Variants in LRMDA observed in about 807,000 individuals in gnomAD.
LRMDA encodes leucine rich melanocyte differentiation associated, also known as leucine-rich melanocyte differentiation-associated protein.
In LRMDA, 18 loss-of-function variants were observed where a neutral mutation model predicts 29.8. The ratio of observed to expected loss-of-function variants is 0.60; its 90% CI spans 0.42 to 0.90. LRMDA has a LOEUF of 0.90. LRMDA is among the 40% of genes least tolerant of loss of function. LRMDA has a pLI of 0.00. For missense variants in LRMDA, 273 were observed against 273.9 expected (o/e 1.00, Z 0.02); for synonymous variants, 125 against 109.4 (o/e 1.14, Z -0.89).
chr10:76,063,770 C>T (rs990946864), intron 5 of LRMDA, among the ~76,000 whole-genome samples: 6 of 152,188 alleles, frequency 3.9e-5, no homozygotes, highest in Non-Finnish European at 7.3e-5. Context: ...CTGCCATTGA[C>T]TCTTGGAGTT....
At chr10:76,350,048 T>C (rs528049151) in intron 6 of LRMDA, among the ~76,000 whole-genome samples, 131 of 152,084 alleles carry the variant, frequency 8.6e-4, no homozygotes, top group South Asian at 7.1e-3. Flanking sequence ...ATATCCTTTA[T>C]ATAAAGCTTG....
intron 5 of LRMDA, among the ~76,000 whole-genome samples, chr10:76,315,599 T>C (rs11814807): frequency 0.053 from 5,463 of 102,910 alleles, 275 homozygotes; most frequent in African/African-American, 0.12. Context: ...TGGGCGTCAG[T>C]GAGCGCAGGA....
intron 2 of LRMDA, among the ~76,000 whole-genome samples, chr10:75,449,574 C>T (rs1844436280): frequency 6.6e-6 from 1 of 151,318 alleles, no homozygotes; most frequent in Non-Finnish European, 1.5e-5. Context: ...GTCACTATAC[C>T]AGGGTCTGAG....
chr10:76,126,167 C>T (rs935931036), intron 5 of LRMDA, among the ~76,000 whole-genome samples: 1 of 152,180 alleles, frequency 6.6e-6, no homozygotes, highest in Non-Finnish European at 1.5e-5. Context: ...AAAGCCTGCT[C>T]TAGGACTTGT....
chr10:76,173,058 T>TTA (rs1850867306), intron 5 of LRMDA, among the ~76,000 whole-genome samples: 1 of 150,128 alleles, frequency 6.7e-6, no homozygotes, highest in East Asian at 2.0e-4. Context: ...GTTAAGAAGA[T>TTA]AAAAAAAAAG....
intron 2 of LRMDA, among the ~76,000 whole-genome samples, chr10:75,714,146 G>C (rs1842470438): frequency 6.6e-6 from 1 of 152,152 alleles, no homozygotes; most frequent in African/African-American, 2.4e-5. Flanking sequence ...CCAAGGTCTT[G>C]GGAGAAGGGC....
At chr10:75,432,276 G>T (rs1844208707) in intron 1 of LRMDA, among the ~76,000 whole-genome samples, 2 of 152,230 alleles carry the variant, frequency 1.3e-5, no homozygotes, top group Non-Finnish European at 2.9e-5. Flanking sequence ...GGAGATGAGG[G>T]TGCTGGTGGG....
chr10:76,024,989 G>A (rs745658310), intron 2 of LRMDA, among the ~76,000 whole-genome samples: 21 of 152,254 alleles, frequency 1.4e-4, no homozygotes, highest in Non-Finnish European at 2.4e-4. Flanking sequence ...GGTACACCGT[G>A]TCCACTCTCA....
At chr10:75,435,706 A>T (rs1240452879) in intron 1 of LRMDA, among the ~76,000 whole-genome samples, 8 of 152,174 alleles carry the variant, frequency 5.3e-5, no homozygotes, top group Non-Finnish European at 8.8e-5. Flanking sequence ...AGTGATCCAA[A>T]TGCTTTATGA....
At chr10:75,903,253 A>G (rs919718362) in intron 2 of LRMDA, among the ~76,000 whole-genome samples, 5 of 152,168 alleles carry the variant, frequency 3.3e-5, no homozygotes, top group African/African-American at 1.2e-4. Flanking sequence ...CTCTTAGAAA[A>G]CTAATCATGA....
intron 2 of LRMDA, among the ~76,000 whole-genome samples, chr10:75,533,360 G>A (rs1451753682): frequency 6.6e-6 from 1 of 152,184 alleles, no homozygotes. Context: ...AACAATTAGG[G>A]GTGGGGTAAC....
At chr10:75,985,837 C>G (rs754763085) in intron 2 of LRMDA, among the ~76,000 whole-genome samples, 1 of 152,104 alleles carries the variant, frequency 6.6e-6, no homozygotes, top group African/African-American at 2.4e-5. Flanking sequence ...TGCGATGAAG[C>G]GAAAAGGGGT....
At chr10:75,853,110 G>C (rs911401278) in intron 2 of LRMDA, among the ~76,000 whole-genome samples, 2 of 151,960 alleles carry the variant, frequency 1.3e-5, no homozygotes, top group African/African-American at 4.8e-5. Flanking sequence ...CCTCCTACTG[G>C]GTCCCTCCCA....
rs539542578 is a variant in LRMDA at position 75,487,190 on chromosome 10, A to G, written c.131+48696A>G. On this transcript the variant is annotated intron_variant, in intron 2 of 6. Transcript: ENST00000611255. ...GAGCCTCTTTATATGATGATTTTCT[A>G]GACTTCAAATCAGTTTTCCTCATCC... is the stretch of plus-strand genomic sequence containing the variant. Among the ~76,000 whole-genome samples, 10 of 152,372 alleles carry G rather than the reference A, an allele frequency of 6.6e-5. No individual in the cohort carries two copies. In the East Asian group the frequency reaches 1.7e-3, roughly 26 times the overall value.
chr10:76,478,488 G>T (rs575768961), intron 6 of LRMDA, among the ~76,000 whole-genome samples: 1 of 152,130 alleles, frequency 6.6e-6, no homozygotes, highest in Non-Finnish European at 1.5e-5. Flanking sequence ...AGTCAGTGTG[G>T]CAATTCCTCA....
At chr10:75,882,702 C>G (rs985011580) in intron 2 of LRMDA, 1 of 152,258 alleles carries the variant, frequency 6.6e-6, no homozygotes, top group African/African-American at 2.4e-5. Flanking sequence ...GGGACGGGCA[C>G]GACCGCATCT....
chr10:75,693,447 G>A (rs1564542111), intron 2 of LRMDA, among the ~76,000 whole-genome samples: 1 of 152,188 alleles, frequency 6.6e-6, no homozygotes, highest in Non-Finnish European at 1.5e-5. Context: ...TGTGCTTGGA[G>A]AAATTTGTTA....
chr10:76,304,097 G>A (rs2132366426), intron 5 of LRMDA, among the ~76,000 whole-genome samples: 1 of 152,230 alleles, frequency 6.6e-6, no homozygotes, highest in East Asian at 1.9e-4. Context: ...GCACTCCTGG[G>A]GGCTTCATTT....
intron 6 of LRMDA, among the ~76,000 whole-genome samples, chr10:76,401,826 C>A (rs550679682): frequency 1.3e-5 from 2 of 152,250 alleles, no homozygotes; most frequent in East Asian, 3.9e-4. Flanking sequence ...AAAAGCTTTT[C>A]TCTTGCCTTT....
Sources: gnomAD v4.1 joint callset for allele counts (sites outside exome capture counted in the v4.1 genomes callset) on GRCh38, gnomAD v4.1.1 for gene constraint, MANE v1.5 for transcripts, NCBI Gene and HGNC (gene_info 2026-07-23, HGNC 2026-07-21) for gene names.